Variants in NAV2 observed in about 807,000 individuals in gnomAD.
NAV2 encodes helicase, APC down-regulated 1.
NAV2 carries 54 observed loss-of-function variants against 223.2 expected under a neutral mutation model. The observed-to-expected ratio is 0.24, with a 90% CI of 0.19 to 0.30. NAV2 has a LOEUF of 0.30. NAV2 is among the 10% of genes least tolerant of loss of function. The pLI is 1.00. For synonymous variants in NAV2, 1,279 were observed against 1,239.3 expected (o/e 1.03, Z -0.67); for missense variants, 2,806 against 3,147.5 (o/e 0.89, Z 2.60).
At chr11:20,082,589 C>T (rs753086116) in intron 25 of NAV2, 2 of 1,613,918 alleles carry the variant, frequency 1.2e-6, no homozygotes, top group South Asian at 1.1e-5. Flanking sequence ...TTTTCTCTGG[C>T]AGGTCAATGA....
At chr11:19,546,272 C>A (rs966878486) in intron 1 of NAV2, among the ~76,000 whole-genome samples, 4 of 152,218 alleles carry the variant, frequency 2.6e-5, no homozygotes, top group African/African-American at 9.7e-5. Flanking sequence ...ACTTGAACCC[C>A]AGCTCAGAGA....
intron 1 of NAV2, among the ~76,000 whole-genome samples, chr11:19,541,505 T>C (rs983656115): frequency 6.6e-6 from 1 of 152,238 alleles, no homozygotes; most frequent in Non-Finnish European, 1.5e-5. Flanking sequence ...TGACAACCCA[T>C]GTGACTCTGG....
intron 1 of NAV2, among the ~76,000 whole-genome samples, chr11:19,826,910 TG>T (rs1471668518): frequency 6.6e-6 from 1 of 152,138 alleles, no homozygotes; most frequent in East Asian, 1.9e-4. Flanking sequence ...CCTCCTGCGG[TG>T]GGCCAGCCCC....
chr11:19,928,150 C>T (rs926169206), intron 6 of NAV2, among the ~76,000 whole-genome samples: 4 of 152,148 alleles, frequency 2.6e-5, no homozygotes, highest in Non-Finnish European at 4.4e-5. Flanking sequence ...GTGTTTCTCC[C>T]ACTTCAGTCT....
chr11:19,396,845 T>A (rs921796949), intron 1 of NAV2, among the ~76,000 whole-genome samples: 4 of 152,206 alleles, frequency 2.6e-5, no homozygotes, highest in Non-Finnish European at 4.4e-5. Flanking sequence ...TCCAAAAGAA[T>A]CCAAAAATAC....
chr11:19,899,913 A>G (rs556016268), intron 6 of NAV2, among the ~76,000 whole-genome samples: 3 of 152,226 alleles, frequency 2.0e-5, no homozygotes, highest in Admixed American at 6.5e-5. Flanking sequence ...CTTCTGCAAG[A>G]TCATTTCTGT....
chr11:20,097,732 A>C lies in NAV2; in HGVS notation c.6168A>C (p.Ser2056=), dbSNP rs146211326. The change falls in exon 31 of 38, where the codon TCA becomes TCC. Residue 2056 remains serine, a synonymous_variant. Coordinates refer to ENST00000349880, the MANE Select transcript of NAV2 (RefSeq NM_145117.5). ...GYLVGENTTI[S]VTVKGLAENS... is the part of the protein sequence containing the mutation. ...TGGTTGGAGAGAACACGACCATCTC[A>C]GTGACTGTGAAAGGTAATTGAGCTT... The C allele has an allele frequency of 4.7e-4, 749 of 1,594,180 alleles. No homozygotes were observed. Among genetic ancestry groups the C allele is most frequent in the Non-Finnish European group, 6.2e-4 (725 of 1,173,402 alleles).
chr11:19,441,125 G>C (rs1851384366), intron 1 of NAV2, among the ~76,000 whole-genome samples: 1 of 152,166 alleles, frequency 6.6e-6, no homozygotes, highest in South Asian at 2.1e-4. Context: ...GGTTTAGAAG[G>C]GGCAAAAGGA....
intron 1 of NAV2, among the ~76,000 whole-genome samples, chr11:19,661,380 G>T (rs2048279019): frequency 6.6e-6 from 1 of 152,010 alleles, no homozygotes. Flanking sequence ...TCTATATTTT[G>T]GCTATTGTCA....
chr11:19,491,248 G>A (rs890357038), intron 1 of NAV2, among the ~76,000 whole-genome samples: 3 of 152,240 alleles, frequency 2.0e-5, no homozygotes, highest in Non-Finnish European at 4.4e-5. Flanking sequence ...GAGTCAGCTC[G>A]TCCTTTGAAG....
chr11:19,875,619 C>T (rs2062791700), intron 4 of NAV2, among the ~76,000 whole-genome samples: 1 of 152,020 alleles, frequency 6.6e-6, no homozygotes. Context: ...TTAGTGGTTG[C>T]CTGGGAGTGG....
chr11:19,427,432 T>G (rs894126274), intron 1 of NAV2, among the ~76,000 whole-genome samples: 8 of 152,240 alleles, frequency 5.3e-5, no homozygotes, highest in African/African-American at 1.9e-4. Context: ...ATTTTTAACC[T>G]GAACCTTTGC....
At chr11:19,415,160 G>T (rs1850312215) in intron 1 of NAV2, among the ~76,000 whole-genome samples, 2 of 152,086 alleles carry the variant, frequency 1.3e-5, no homozygotes, top group Non-Finnish European at 2.9e-5. Context: ...TCCAGAAGCT[G>T]GTTTTTTGAG....
chr11:19,904,206 G>A (rs749448760), intron 6 of NAV2, among the ~76,000 whole-genome samples: 7 of 152,178 alleles, frequency 4.6e-5, no homozygotes, highest in Non-Finnish European at 7.3e-5. Context: ...ATACATTCAT[G>A]TACTTGGAAT....
upstream of NAV2, chr11:19,712,688 G>C (rs1307679238): frequency 6.6e-6 from 1 of 151,210 alleles, no homozygotes; most frequent in Non-Finnish European, 1.5e-5. Flanking sequence ...GGCCAAGCGC[G>C]GCCCCAGAGT....
intron 19 of NAV2, among the ~76,000 whole-genome samples, chr11:20,058,576 C>T (rs1477979245): frequency 2.6e-5 from 4 of 152,116 alleles, no homozygotes; most frequent in Admixed American, 2.6e-4. Flanking sequence ...ACACAGAAAC[C>T]CTCCACCCTA....
At chr11:19,924,271 C>T (rs1157423010) in intron 6 of NAV2, among the ~76,000 whole-genome samples, 1 of 147,326 alleles carries the variant, frequency 6.8e-6, no homozygotes, top group Non-Finnish European at 1.5e-5. Context: ...GTAGTGAAAA[C>T]TACTTTGGAA....
chr11:19,399,322 T>C (rs1272776939), intron 1 of NAV2, among the ~76,000 whole-genome samples: 3 of 152,240 alleles, frequency 2.0e-5, no homozygotes, highest in Admixed American at 1.3e-4. Flanking sequence ...CAGCTCTTTA[T>C]TTCAGCTCTG....
chr11:19,704,023 G>T (rs150792889), intron 1 of NAV2, among the ~76,000 whole-genome samples: 92 of 151,804 alleles, frequency 6.1e-4, no homozygotes, highest in Non-Finnish European at 8.0e-4. Context: ...GTTTTTTTTG[G>T]GGGGGTGGAA....
Sources: gnomAD v4.1 joint callset for allele counts (sites outside exome capture counted in the v4.1 genomes callset) on GRCh38, gnomAD v4.1.1 for gene constraint, MANE v1.5 for transcripts, NCBI Gene and HGNC (gene_info 2026-07-23, HGNC 2026-07-21) for gene names.